The following CACNA2D3 variants were observed in gnomAD, a reference collection of about 807,000 sequenced individuals.
CACNA2D3 encodes calcium voltage-gated channel auxiliary subunit alpha2delta 3.
A neutral mutation model predicts 160.6 loss-of-function variants in CACNA2D3; 60 were observed. The observed-to-expected ratio is 0.37, with a 90% CI of 0.30 to 0.46. The LOEUF is 0.46. Ranked by LOEUF, CACNA2D3 falls within the 20% of genes least tolerant of loss-of-function variation. The pLI is 1.00. For missense variants in CACNA2D3, 1,205 were observed against 1,365.0 expected (o/e 0.88, Z 1.85); for synonymous variants, 558 against 492.9 (o/e 1.13, Z -1.75).
At chr3:54,715,252 G>A (rs184006464) in intron 11 of CACNA2D3, among the ~76,000 whole-genome samples, 74 of 152,192 alleles carry the variant, frequency 4.9e-4, no homozygotes, top group African/African-American at 1.6e-3. Context: ...AAATGTACAC[G>A]TTTATTATAA....
chr3:54,726,209 G>A (rs1454931055), intron 11 of CACNA2D3, among the ~76,000 whole-genome samples: 11 of 152,154 alleles, frequency 7.2e-5, no homozygotes, highest in Admixed American at 6.5e-4. Context: ...TACAAGGGAT[G>A]TGAAGGACCT....
chr3:55,062,335 A>G (rs1251500733), intron 35 of CACNA2D3, among the ~76,000 whole-genome samples: 2 of 150,968 alleles, frequency 1.3e-5, no homozygotes, highest in African/African-American at 4.9e-5. Context: ...GCTGGTCTCA[A>G]ACTCCTGGGG....
At chr3:54,797,622 A>G (rs1394694435) in intron 13 of CACNA2D3, among the ~76,000 whole-genome samples, 1 of 152,112 alleles carries the variant, frequency 6.6e-6, no homozygotes. Flanking sequence ...GAACTTTTTT[A>G]ACTTGAGACA....
chr3:54,940,995 G>A (rs546774028), intron 27 of CACNA2D3, among the ~76,000 whole-genome samples: 1 of 152,178 alleles, frequency 6.6e-6, no homozygotes, highest in East Asian at 1.9e-4. Flanking sequence ...TTTAAAACCA[G>A]TTAACACATT....
chr3:54,474,725 G>A (rs576994201), intron 4 of CACNA2D3, among the ~76,000 whole-genome samples: 10 of 152,152 alleles, frequency 6.6e-5, no homozygotes, highest in Admixed American at 1.3e-4. Flanking sequence ...AGAAGAAGGA[G>A]GCTGGTCTAG....
At chr3:54,149,371 A>G (rs974415930) in intron 2 of CACNA2D3, among the ~76,000 whole-genome samples, 1 of 151,986 alleles carries the variant, frequency 6.6e-6, no homozygotes, top group Non-Finnish European at 1.5e-5. Context: ...CCTTGGGCCT[A>G]GGGTTGCACA....
At chr3:54,457,655 G>C (rs1203998155) in intron 4 of CACNA2D3, among the ~76,000 whole-genome samples, 3 of 151,780 alleles carry the variant, frequency 2.0e-5, no homozygotes, top group Non-Finnish European at 4.4e-5. Context: ...AGTGGGGTTT[G>C]GAAGTCCCCA....
intron 27 of CACNA2D3, among the ~76,000 whole-genome samples, chr3:54,915,185 G>A (rs1700634705): frequency 1.3e-5 from 2 of 152,160 alleles, no homozygotes; most frequent in African/African-American, 4.8e-5. Context: ...TGTGGGGTCA[G>A]GGATATTTGC....
At chr3:54,316,713 C>G (rs746908353) in intron 2 of CACNA2D3, among the ~76,000 whole-genome samples, 1 of 152,076 alleles carries the variant, frequency 6.6e-6, no homozygotes, top group Non-Finnish European at 1.5e-5. Flanking sequence ...GACAACCTGC[C>G]GTAAAGCCAG....
At chr3:54,811,465 CTTTTTTTTTTTTTTTT>C (rs71096451) in intron 13 of CACNA2D3, among the ~76,000 whole-genome samples, 17 of 111,598 alleles carry the variant, frequency 1.5e-4, no homozygotes, top group Non-Finnish European at 2.2e-4. Context: ...TCCCTCAGTT[CTTTTTTTTTTTTTTTT>C]TTTTTTTTTT....
chr3:54,922,809 ACACT>A (rs1700892040), intron 27 of CACNA2D3, among the ~76,000 whole-genome samples: 1 of 151,944 alleles, frequency 6.6e-6, no homozygotes, highest in African/African-American at 2.4e-5. Context: ...CCTCCCCAAC[ACACT>A]CACTCACTCC....
At chr3:54,838,061 A>G (rs1698735920) in intron 15 of CACNA2D3, among the ~76,000 whole-genome samples, 2 of 152,212 alleles carry the variant, frequency 1.3e-5, no homozygotes, top group African/African-American at 4.8e-5. Context: ...ATGGGGCTCC[A>G]GAGGCCTATT....
At chr3:54,941,016 T>TAAGAC (rs150807556) in intron 27 of CACNA2D3, among the ~76,000 whole-genome samples, 3,464 of 152,298 alleles carry the variant, frequency 0.023, 129 homozygotes, top group African/African-American at 0.076. Flanking sequence ...TAAAACTTGA[T>TAAGAC]AAGGCAATCC....
chr3:54,736,001 A>T lies in CACNA2D3; in HGVS notation c.1168-16598A>T, dbSNP rs1559563411. Among the ~76,000 whole-genome samples the T allele has an allele frequency of 3.7e-3, 391 of 105,756 alleles. 22 individuals are homozygous for T. The highest frequency in any genetic ancestry group is 5.1e-3 in the Non-Finnish European group (253 of 49,292). The allele number at this position is 105,756 out of a possible 152,430, so 69.4% of individuals were successfully genotyped here. A position where few individuals can be genotyped will look rare whatever the true frequency, so the allele number is the denominator to read the frequency against. On this transcript the variant is annotated intron_variant, in intron 11 of 37. Transcript: ENST00000474759. ...TGCATGTATATATATATACATATAT[A>T]TATATGTATATATATACACATACAT...
At chr3:54,836,226 CTTTTTTTTTTTTTTTG>C (rs1443524913) in intron 14 of CACNA2D3, among the ~76,000 whole-genome samples, 5 of 92,704 alleles carry the variant, frequency 5.4e-5, no homozygotes, top group Non-Finnish European at 9.0e-5. Flanking sequence ...TTTTTTTTTT[CTTTTTTTTTTTTTTTG>C]TTTTTGTTTT....
chr3:54,299,964 T>C (rs1462183486), intron 2 of CACNA2D3, among the ~76,000 whole-genome samples: 1 of 152,188 alleles, frequency 6.6e-6, no homozygotes, highest in East Asian at 1.9e-4. Context: ...CCCCTAACAA[T>C]GCTGTCCGAC....
intron 11 of CACNA2D3, among the ~76,000 whole-genome samples, chr3:54,698,977 T>C (rs1700715989): frequency 6.6e-6 from 1 of 152,194 alleles, no homozygotes; most frequent in Non-Finnish European, 1.5e-5. Context: ...AGTGGAATTA[T>C]TGAAATCATA....
At chr3:54,585,897 C>T (rs1460586145) in intron 9 of CACNA2D3, among the ~76,000 whole-genome samples, 22 of 151,730 alleles carry the variant, frequency 1.4e-4, no homozygotes, top group Admixed American at 1.4e-3. Flanking sequence ...AGTGTCAAGG[C>T]AGAGATTGTT....
At chr3:54,777,032 C>G (rs989943554) in intron 13 of CACNA2D3, among the ~76,000 whole-genome samples, 5 of 152,200 alleles carry the variant, frequency 3.3e-5, no homozygotes, top group African/African-American at 4.8e-5. Context: ...CCTCTTATTA[C>G]CAGCATGAAG....
Sources: allele counts gnomAD v4.1 joint callset (sites outside exome capture counted in the v4.1 genomes callset), GRCh38; gene constraint gnomAD v4.1.1; transcripts MANE v1.5; gene names NCBI Gene and HGNC (gene_info 2026-07-23, HGNC 2026-07-21).